The following COG3 variants were observed in gnomAD, a reference collection of about 807,000 sequenced individuals.
COG3 encodes the protein component of oligomeric golgi complex 3.
COG3 carries 32 observed loss-of-function variants against 114.1 expected under a neutral mutation model. That is an observed-to-expected ratio of 0.28 (90% CI 0.21 to 0.38). The LOEUF (loss-of-function observed/expected upper bound fraction) is 0.38. Among genes scored for constraint, COG3 ranks in the 10% least tolerant of loss-of-function variants. COG3 has a pLI of 1.00. For synonymous variants in COG3, 352 were observed against 365.7 expected, an observed-to-expected ratio of 0.96 and a Z score of 0.43; for missense variants, 813 against 973.2, an observed-to-expected ratio of 0.84 and a Z score of 2.19.
intron 4 of COG3, 34 bp downstream of exon 4, chr13:45,480,324 T>A: frequency 7.1e-7 from 1 of 1,403,066 alleles, no homozygotes; most frequent in East Asian, 2.4e-5. Flanking sequence ...TCAGTCATTA[T>A]ATTTAATATT....
chr13:45,473,308 G>A (rs1194217859), intron 1 of COG3, among the ~76,000 whole-genome samples: 1 of 152,150 alleles, frequency 6.6e-6, no homozygotes, highest in African/African-American at 2.4e-5. Context: ...AAGACTGGTG[G>A]ATTCAAGACT....
chr13:45,497,378 TATG>T (rs1242039406), intron 13 of COG3, among the ~76,000 whole-genome samples: 1 of 152,212 alleles, frequency 6.6e-6, no homozygotes, highest in Non-Finnish European at 1.5e-5. Flanking sequence ...GAAACTGTAA[TATG>T]ATGAACTCTT....
chr13:45,511,949 C>T (rs1354947986), intron 16 of COG3, 95 bp downstream of exon 16: 33 of 930,228 alleles, frequency 3.5e-5, no homozygotes, highest in Non-Finnish European at 5.5e-5. Flanking sequence ...GCTGTTTTGG[C>T]AGTAGGATTT....
At position 45,516,132 on chromosome 13, in the gene COG3, T is replaced by C; in HGVS notation, c.1810-11T>C. The C allele has an allele frequency of 6.5e-7, 1 of 1,548,636 alleles. No homozygotes were observed. The highest frequency in any genetic ancestry group is 8.8e-7 in the Non-Finnish European group (1 of 1,135,020). On this transcript the variant is annotated splice_polypyrimidine_tract_variant and intron_variant, in intron 16 of 22. Coordinates refer to ENST00000349995, the MANE Select transcript of COG3 (RefSeq NM_031431.4). ...ATGTGATCATATCCATTTTTCTGTC[T>C]TATAATTTAGACTCAGATTGATGGA...
chr13:45,500,114 AT>A lies in COG3; in HGVS notation c.1489-3129del, dbSNP rs1285449845. On this transcript the variant is annotated intron_variant, in intron 13 of 22. Coordinates refer to ENST00000349995, the MANE Select transcript of COG3 (RefSeq NM_031431.4). The stretch of plus-strand genomic sequence containing the variant: ...TGTGTGTATATATATATATATATAT[AT>A]AAAAAAGAGGCCTGATTATTTTATT... 7.5e-5 allele frequency among the ~76,000 whole-genome samples: 9 copies of A among 120,280 alleles called. No individual in the cohort carries two copies. In the East Asian group the frequency reaches 1.5e-3, roughly 21 times the overall value. The allele number at this position is 120,280 out of a possible 152,430, so 78.9% of individuals were successfully genotyped here. A position where few individuals can be genotyped will look rare whatever the true frequency, so the allele number is the denominator to read the frequency against.
At chr13:45,519,141 T>A in intron 19 of COG3, 47 bp downstream of exon 19, 3 of 1,600,668 alleles carry the variant, frequency 1.9e-6, no homozygotes, top group Non-Finnish European at 2.6e-6. Context: ...GCATTCTTCC[T>A]TAGATTTCCT....
At chr13:45,473,755 G>A (rs1384624544) in intron 1 of COG3, among the ~76,000 whole-genome samples, 1 of 152,226 alleles carries the variant, frequency 6.6e-6, no homozygotes, top group Non-Finnish European at 1.5e-5. Flanking sequence ...CAAGGAGACA[G>A]CTCATGTTGC....
At chr13:45,486,339 C>CGGGAGACGGAGA (rs1555295083) in intron 7 of COG3, among the ~76,000 whole-genome samples, 156 bp from the exon 8 acceptor site, 5,117 of 55,232 alleles carry the variant, frequency 0.093, 448 homozygotes, top group Non-Finnish European at 0.11. Context: ...AGACGGGAGA[C>CGGGAGACGGAGA]GGGAGAGGGA....
intron 20 of COG3, among the ~76,000 whole-genome samples, chr13:45,529,002 A>G (rs55940414): frequency 0.03 from 4,632 of 152,296 alleles, 216 homozygotes; most frequent in African/African-American, 0.1. Flanking sequence ...TTGTACTTCC[A>G]TCAGCAGTAC....
chr13:45,473,568 G>A (rs1355125992), intron 1 of COG3, among the ~76,000 whole-genome samples: 2 of 151,990 alleles, frequency 1.3e-5, no homozygotes, highest in African/African-American at 4.8e-5. Flanking sequence ...TTGTAAAGAC[G>A]GCTTTACAAG....
chr13:45,488,549 T>G (rs765854913), intron 8 of COG3, among the ~76,000 whole-genome samples: 22 of 152,122 alleles, frequency 1.4e-4, no homozygotes, highest in Non-Finnish European at 2.8e-4. Flanking sequence ...AAATGGATTA[T>G]GGTGAAGAGA....
rs189435377 is a variant in COG3, at chr13:45,494,980, G to A, written c.1328-1172G>A. Among the ~76,000 whole-genome samples, 693 of 149,998 alleles carry A rather than the reference G, an allele frequency of 4.6e-3. 4 individuals carry two copies. The highest frequency in any genetic ancestry group is 0.016 in the African/African-American group (642 of 40,850). ...CCTGCCTCAGCCTCCCGAGTAGCTG[G>A]GACTACAGGTATGCACCACCATGCC... On this transcript the variant is annotated intron_variant, in intron 12 of 22. Transcript: ENST00000349995.
intron 1 of COG3, among the ~76,000 whole-genome samples, chr13:45,475,269 C>T (rs569210028): frequency 2.8e-4 from 42 of 152,290 alleles, no homozygotes; most frequent in African/African-American, 9.9e-4. Context: ...ACGACCTTGA[C>T]TCACTGCAAC....
chr13:45,472,133 T>C (rs961514961), intron 1 of COG3, among the ~76,000 whole-genome samples: 1 of 152,250 alleles, frequency 6.6e-6, no homozygotes, highest in Admixed American at 6.5e-5. Context: ...TTTGGCACTT[T>C]AAAGATGTCG....
Position 45,530,600 on chromosome 13 carries a change from A to G in COG3, c.2359-82A>G. On this transcript the variant is annotated intron_variant, in intron 21 of 22. Coordinates refer to ENST00000349995, the MANE Select transcript of COG3 (RefSeq NM_031431.4). ...ATACATCGCTTCCACTCGCTTTGGC[A>G]AATATCATTACAATTTAACATTCAT... 3 of 870,382 alleles carry G rather than the reference A, an allele frequency of 3.4e-6. 1 individual carries two copies. The South Asian group carries it at 4.1e-5, about 12-fold the overall frequency. 53.9% of individuals were successfully genotyped at this position (870,382 alleles called of 1,614,324 possible). A position where few individuals can be genotyped will look rare whatever the true frequency, so the allele number is the denominator to read the frequency against.
At chr13:45,491,026 T>G (rs778919486) in intron 9 of COG3, 68 bp downstream of exon 9, 74 of 1,023,948 alleles carry the variant, frequency 7.2e-5, no homozygotes, top group Non-Finnish European at 1.1e-4. Flanking sequence ...TTTCCAAATC[T>G]GGATCTCTGA....
At chr13:45,492,337 T>TC (rs1449877987) in intron 11 of COG3, 87 bp downstream of exon 11, 1 of 638,372 alleles carries the variant, frequency 1.6e-6, no homozygotes, top group African/African-American at 1.9e-5. Context: ...GAGTATTCTA[T>TC]CATTAACTGG....
In COG3 at chr13:45,519,043, T is replaced by A. The variant is rs1359447396; in HGVS notation, c.2103T>A (p.Ile701=). The A allele has an allele frequency of 6.2e-7, 1 of 1,614,102 alleles. No individual in the cohort carries two copies. The highest frequency in any genetic ancestry group is 8.5e-7 in the Non-Finnish European group (1 of 1,180,030). Residue 701 remains isoleucine (I), a synonymous_variant, in exon 19 of 23, where the codon ATT becomes ATA. Coordinates refer to ENST00000349995, the MANE Select transcript of COG3 (RefSeq NM_031431.4). ...TGAAATCGGCCTGTGAGCAGTTTAT[T>A]CAGCAGCAGACCAAGCTGTTTGTAG... ...RHLKSACEQF[I]QQQTKLFVEQ...
chr13:45,498,385 G>GTT (rs201492869), intron 13 of COG3, among the ~76,000 whole-genome samples: 5,825 of 108,820 alleles, frequency 0.054, 204 homozygotes, highest in Non-Finnish European at 0.074. Flanking sequence ...TTGAGACATA[G>GTT]TTTCACTCTT....
Sources: gnomAD v4.1 joint callset for allele counts (sites outside exome capture counted in the v4.1 genomes callset) on GRCh38, gnomAD v4.1.1 for gene constraint, MANE v1.5 for transcripts, NCBI Gene and HGNC (gene_info 2026-07-23, HGNC 2026-07-21) for gene names.